Variants in ROR1 observed in about 807,000 individuals in gnomAD.
ROR1 encodes inactive tyrosine-protein kinase transmembrane receptor ROR1.
A neutral mutation model predicts 78.8 loss-of-function variants in ROR1; 19 were observed. The ratio of observed to expected loss-of-function variants is 0.24; its 90% confidence interval spans 0.17 to 0.35. The LOEUF (loss-of-function observed/expected upper bound fraction) is 0.35. ROR1 is among the 10% of genes least tolerant of loss of function. The pLI, the probability that ROR1 is intolerant of heterozygous loss-of-function variation, is 1.00. For missense variants in ROR1, 917 were observed against 1,177.8 expected (o/e 0.78, Z 3.24); for synonymous variants, 386 against 433.6 (o/e 0.89, Z 1.36).
chr1:63,913,950 G>A (rs1557558537), intron 1 of ROR1, among the ~76,000 whole-genome samples: 2 of 152,172 alleles, frequency 1.3e-5, no homozygotes, highest in Non-Finnish European at 2.9e-5. Context: ...TAGCAGTGCA[G>A]CCTCAAATTC....
intron 7 of ROR1, among the ~76,000 whole-genome samples, chr1:64,151,755 G>C (rs987269249): frequency 6.6e-6 from 1 of 151,518 alleles, no homozygotes; most frequent in Non-Finnish European, 1.5e-5. Context: ...GTGGTGGAGG[G>C]TGCCTGTAAT....
rs148945854 is a variant in ROR1, at chr1:63,915,765, G to C, written c.92-93540G>C. On this transcript the variant is annotated intron_variant, in intron 1 of 8. Transcript: ENST00000371079. ...TGCCAGAAAGATTGGCAGGGGGTGG[G>C]GTGGGGTGGATGCATGTGAAGCCGG... is the stretch of plus-strand genomic sequence containing the variant. 2.8e-3 allele frequency among the ~76,000 whole-genome samples: 431 copies of C among 152,200 alleles called. 2 individuals are homozygous for C. Among genetic ancestry groups the C allele is most frequent in the African/African-American group, 0.01 (418 of 41,512 alleles).
chr1:63,838,825 T>C (rs1645033502), intron 1 of ROR1, among the ~76,000 whole-genome samples: 1 of 152,196 alleles, frequency 6.6e-6, no homozygotes, highest in Admixed American at 6.5e-5. Flanking sequence ...AAGTGCTCTC[T>C]ACAGGTGTAA....
intron 1 of ROR1, among the ~76,000 whole-genome samples, chr1:63,951,363 G>A (rs534889864): frequency 1.3e-5 from 2 of 152,272 alleles, no homozygotes; most frequent in African/African-American, 4.8e-5. Flanking sequence ...AAGAGCTGAC[G>A]TTCTTGTGGT....
chr1:64,116,544 G>C (rs1344410617), intron 4 of ROR1, among the ~76,000 whole-genome samples: 1 of 152,146 alleles, frequency 6.6e-6, no homozygotes, highest in African/African-American at 2.4e-5. Context: ...TGATTTTACT[G>C]ATATTGTGAT....
intron 1 of ROR1, among the ~76,000 whole-genome samples, chr1:63,945,598 C>A (rs1258355509): frequency 6.6e-6 from 1 of 152,150 alleles, no homozygotes; most frequent in Non-Finnish European, 1.5e-5. Flanking sequence ...CTTTCCCACT[C>A]TCCCTCCCTT....
intron 1 of ROR1, among the ~76,000 whole-genome samples, chr1:63,952,755 A>G (rs1385944792): frequency 6.6e-6 from 1 of 152,170 alleles, no homozygotes; most frequent in Non-Finnish European, 1.5e-5. Flanking sequence ...ATTTCTGTCT[A>G]GGAGCAATTT....
At chr1:63,987,984 C>T (rs1646265636) in intron 1 of ROR1, among the ~76,000 whole-genome samples, 1 of 152,074 alleles carries the variant, frequency 6.6e-6, no homozygotes, top group African/African-American at 2.4e-5. Flanking sequence ...TTAAGAAGAC[C>T]TCTGTATATT....
intron 4 of ROR1, among the ~76,000 whole-genome samples, chr1:64,128,654 C>G (rs1411115035): frequency 6.6e-6 from 1 of 152,178 alleles, no homozygotes; most frequent in Non-Finnish European, 1.5e-5. Context: ...TGAATAGGCA[C>G]TATTCTGGCC....
intron 1 of ROR1, among the ~76,000 whole-genome samples, chr1:64,002,819 GC>G (rs1646396098): frequency 6.6e-6 from 1 of 152,206 alleles, no homozygotes; most frequent in Admixed American, 6.5e-5. Flanking sequence ...TCGTTGAGGA[GC>G]TTGGCCTCTG....
chr1:64,063,595 A>C (rs1010271437), intron 4 of ROR1, among the ~76,000 whole-genome samples: 2 of 151,820 alleles, frequency 1.3e-5, no homozygotes, highest in Admixed American at 6.6e-5. Flanking sequence ...ATTAAAGATC[A>C]TCTGTTGCTG....
chr1:64,123,529 G>A (rs2100690717), intron 4 of ROR1, among the ~76,000 whole-genome samples: 1 of 152,220 alleles, frequency 6.6e-6, no homozygotes, highest in Non-Finnish European at 1.5e-5. Context: ...AAACCTCAGT[G>A]TTTTCATCTA....
intron 1 of ROR1, among the ~76,000 whole-genome samples, chr1:63,788,073 C>G (rs913711422): frequency 1.3e-5 from 2 of 152,206 alleles, no homozygotes; most frequent in South Asian, 4.1e-4. Context: ...GCCTGCCAAT[C>G]TCTTTTCCAC....
chr1:64,018,589 A>G (rs944838857), intron 2 of ROR1, among the ~76,000 whole-genome samples: 6 of 152,062 alleles, frequency 3.9e-5, no homozygotes, highest in African/African-American at 7.2e-5. Flanking sequence ...TTTATTGAAG[A>G]TCTTCGTCAT....
At position 63,957,354 on chromosome 1, in the gene ROR1, A is replaced by C. The variant is rs547167852; in HGVS notation, c.92-51951A>C. ...GGGAAGTAGGGTACATGCTCCAAGC[A>C]GCTTTCTCTTAACAAACATAACTCT... On this transcript the variant is annotated intron_variant, in intron 1 of 8. Transcript: ENST00000371079. Among the ~76,000 whole-genome samples the C allele has an allele frequency of 3.2e-4, 49 of 152,318 alleles. 2 individuals carry two copies. Among genetic ancestry groups the C allele is most frequent in the African/African-American group, 1.2e-3 (48 of 41,570 alleles).
intron 1 of ROR1, among the ~76,000 whole-genome samples, chr1:63,916,408 G>T (rs1283083322): frequency 6.6e-6 from 1 of 152,114 alleles, no homozygotes; most frequent in Admixed American, 6.6e-5. Context: ...CTAATAACAT[G>T]GTAATAGGAG....
chr1:63,944,477 G>C (rs1188219595), intron 1 of ROR1, among the ~76,000 whole-genome samples: 1 of 152,184 alleles, frequency 6.6e-6, no homozygotes, highest in Non-Finnish European at 1.5e-5. Context: ...TTGCCTTTCA[G>C]TATTTTGTTC....
chr1:63,942,960 C>A (rs538869306), intron 1 of ROR1, among the ~76,000 whole-genome samples: 1 of 151,732 alleles, frequency 6.6e-6, no homozygotes, highest in Non-Finnish European at 1.5e-5. Context: ...CATGGTGGAG[C>A]GTGACGATTG....
rs1035781780 is a variant in ROR1 at position 63,788,061 on chromosome 1, C to G, written c.91+13553C>G. Among the ~76,000 whole-genome samples, 4 of 152,316 alleles carry G rather than the reference C, an allele frequency of 2.6e-5. No homozygotes were observed. In the South Asian group the frequency reaches 8.3e-4, roughly 32 times the overall value. On this transcript the variant is annotated intron_variant, in intron 1 of 8. Coordinates refer to ENST00000371079, the MANE Select transcript of ROR1 (RefSeq NM_005012.4). ...CTCCTGAGAGGCAGAAGAGGTCTGA[C>G]AGCCTGCCAATCTCTTTTCCACCTC... is the stretch of plus-strand genomic sequence containing the variant.
Sources: gnomAD v4.1 joint callset for allele counts (sites outside exome capture counted in the v4.1 genomes callset) on GRCh38, gnomAD v4.1.1 for gene constraint, MANE v1.5 for transcripts, NCBI Gene and HGNC (gene_info 2026-07-23, HGNC 2026-07-21) for gene names.